Variants in KLF15 observed in about 807,000 individuals in gnomAD.
The protein encoded by KLF15 is Krueppel-like factor 15.
Under a neutral mutation model 24.6 loss-of-function variants are expected in KLF15, and 4 were observed. The ratio of observed to expected loss-of-function variants is 0.16; its 90% CI spans 0.08 to 0.37. The LOEUF is 0.37. Among genes scored for constraint, KLF15 ranks in the 10% least tolerant of loss-of-function variants. The pLI, the probability that KLF15 is intolerant of heterozygous loss-of-function variation, is 1.00. For missense variants in KLF15, 496 were observed against 560.6 expected (o/e 0.88, Z 1.16); for synonymous variants, 246 against 236.3 (o/e 1.04, Z -0.37).
chr3:126,300,631 C>A, the KLF15 span, among the ~76,000 whole-genome samples: 12 of 152,210 alleles, frequency 7.9e-5, no homozygotes, highest in African/African-American at 1.2e-4. Flanking sequence ...GCAACCAGAG[C>A]CCCAGGTTCT....
the KLF15 span, among the ~76,000 whole-genome samples, chr3:126,323,600 G>A: frequency 1.8e-4 from 27 of 147,418 alleles, no homozygotes; most frequent in African/African-American, 5.3e-4. Context: ...ATAGCTATAC[G>A]TGTGCCATGA....
intron 1 of KLF15, among the ~76,000 whole-genome samples, chr3:126,353,663 GTGCC>G (rs1347666600): frequency 6.6e-6 from 1 of 152,204 alleles, no homozygotes; most frequent in Non-Finnish European, 1.5e-5. Context: ...AGACCAAAAA[GTGCC>G]TGCCTGCGCA....
At chr3:126,331,050 T>C in the KLF15 span, among the ~76,000 whole-genome samples, 2 of 152,122 alleles carry the variant, frequency 1.3e-5, no homozygotes, top group Non-Finnish European at 2.9e-5. Context: ...GCCCCTATCC[T>C]CAGGAGTCTG....
chr3:126,327,311 T>C, the KLF15 span, among the ~76,000 whole-genome samples: 1 of 152,164 alleles, frequency 6.6e-6, no homozygotes. Context: ...ATAGAGGTTT[T>C]CACTTTTCCT....
Position 126,352,329 on chromosome 3 carries a change from AC to A in KLF15, c.593del (p.Gly198ValfsTer31). ...GRERCSPPPGGASAGGAQGPG... is the reference protein window; with the variant it reads ...GRERCSPPPGXASAGGAQGPG... ...GGCCCTGGGCACCTCCTGCACTGGC[AC>A]CACCTGGTGGAGGGGAACAGCGCTC... is the stretch of plus-strand genomic sequence containing the variant. On this transcript the variant is annotated frameshift_variant, in exon 2 of 3. Coordinates refer to ENST00000296233, the MANE Select transcript of KLF15 (RefSeq NM_014079.4). LOFTEE classifies it high-confidence loss of function. 1 of 1,576,366 alleles carries A rather than the reference AC, an allele frequency of 6.3e-7. No homozygotes were observed. Among genetic ancestry groups the A allele is most frequent in the Non-Finnish European group, 8.6e-7 (1 of 1,162,994 alleles).
At chr3:126,348,670 G>A (rs1394850987) in intron 2 of KLF15, among the ~76,000 whole-genome samples, 1 of 152,232 alleles carries the variant, frequency 6.6e-6, no homozygotes, top group Non-Finnish European at 1.5e-5. Context: ...ACAGCCTCAA[G>A]GGCAGGGGTC....
the KLF15 span, among the ~76,000 whole-genome samples, chr3:126,298,619 T>C: frequency 6.6e-6 from 1 of 152,180 alleles, no homozygotes; most frequent in Non-Finnish European, 1.5e-5. Context: ...ATTTAAGGCT[T>C]TGATCCATCT....
At chr3:126,330,186 C>A in the KLF15 span, among the ~76,000 whole-genome samples, 1 of 152,304 alleles carries the variant, frequency 6.6e-6, no homozygotes, top group African/African-American at 2.4e-5. Context: ...GCCAGCCCAG[C>A]CTGAGTCACA....
the KLF15 span, among the ~76,000 whole-genome samples, chr3:126,310,096 G>A: frequency 1.3e-5 from 2 of 152,254 alleles, no homozygotes; most frequent in South Asian, 2.1e-4. Context: ...AGAAGGCAGA[G>A]GGGCAAGCCT....
the KLF15 span, among the ~76,000 whole-genome samples, chr3:126,300,511 C>T: frequency 6.6e-6 from 1 of 152,208 alleles, no homozygotes; most frequent in Non-Finnish European, 1.5e-5. Context: ...GACAGGCATC[C>T]TCCCATGGCT....
the KLF15 span, among the ~76,000 whole-genome samples, chr3:126,329,597 G>A: frequency 9.2e-3 from 1,405 of 152,054 alleles, 20 homozygotes; most frequent in African/African-American, 0.032. Flanking sequence ...CACCATTGTC[G>A]TGTCATATTG....
At chr3:126,341,118 T>C (rs2082476577), downstream of KLF15, among the ~76,000 whole-genome samples, 1 of 152,158 alleles carries the variant, frequency 6.6e-6, no homozygotes, top group Admixed American at 6.5e-5. Context: ...CACTGTGCTG[T>C]ACTCTCCACG....
chr3:126,349,297 C>G (rs551760560), intron 2 of KLF15, among the ~76,000 whole-genome samples: 1 of 152,192 alleles, frequency 6.6e-6, no homozygotes, highest in Admixed American at 6.5e-5. Flanking sequence ...CTCCAGGGGA[C>G]CTTGGGGGAA....
At chr3:126,351,735 C>A in intron 2 of KLF15, 106 bp downstream of exon 2, 2 of 1,098,602 alleles carry the variant, frequency 1.8e-6, no homozygotes, top group East Asian at 3.0e-5. Context: ...CCTCCCCTCC[C>A]TCATCTACCT....
At chr3:126,318,244 T>C in the KLF15 span, among the ~76,000 whole-genome samples, 1 of 152,206 alleles carries the variant, frequency 6.6e-6, no homozygotes, top group South Asian at 2.1e-4. Context: ...TGAGTTGAAC[T>C]ATAGTAATTT....
chr3:126,309,881 T>C, the KLF15 span, among the ~76,000 whole-genome samples: 1 of 152,210 alleles, frequency 6.6e-6, no homozygotes, highest in African/African-American at 2.4e-5. Context: ...GAGTGCTCAA[T>C]GGCCAAGGCA....
At chr3:126,312,159 C>G in the KLF15 span, among the ~76,000 whole-genome samples, 1 of 152,280 alleles carries the variant, frequency 6.6e-6, no homozygotes, top group Admixed American at 6.5e-5. Flanking sequence ...TGTGGAAGCC[C>G]TTGTATCTAA....
In KLF15 at chr3:126,352,532, C is replaced by T. The variant is rs1037533244; in HGVS notation, c.391G>A (p.Asp131Asn). ...CLPEFPLGDP[D>N]DVPRPFQPTL... ...GGCTGGAAGGGCCGTGGGACGTCAT[C>T]AGGATCACCCAAAGGAAACTCGGGC... Residue 131 changes from aspartate to asparagine, a missense_variant, in exon 2 of 3, where the codon GAT becomes AAT. This residue lies in a region of KLF15 where 399 missense variants were observed against 423.1 expected (regional missense o/e 0.94). Coordinates refer to ENST00000296233, the MANE Select transcript of KLF15 (RefSeq NM_014079.4). 6.2e-7 allele frequency: 1 copy of T among 1,613,054 alleles called. No homozygotes were observed. Among genetic ancestry groups the T allele is most frequent in the Non-Finnish European group, 8.5e-7 (1 of 1,180,014 alleles).
At chr3:126,317,828 A>G in the KLF15 span, among the ~76,000 whole-genome samples, 1 of 152,150 alleles carries the variant, frequency 6.6e-6, no homozygotes, top group African/African-American at 2.4e-5. Context: ...CTCCTGCTTA[A>G]AAACTTGCCT....
Sources: gnomAD v4.1 joint callset for allele counts (sites outside exome capture counted in the v4.1 genomes callset) on GRCh38, gnomAD v4.1.1 for gene constraint, gnomAD v4.1.1 regional missense constraint, MANE v1.5 for transcripts, NCBI Gene and HGNC (gene_info 2026-07-23, HGNC 2026-07-21) for gene names.